The following GRXCR1 variants were observed in gnomAD, a reference collection of about 807,000 sequenced individuals.
The protein encoded by GRXCR1 is glutaredoxin and cysteine rich domain containing 1, also known as glutaredoxin domain-containing cysteine-rich protein 1.
GRXCR1 carries 27 observed loss-of-function variants against 27.3 expected under a neutral mutation model. That is an observed-to-expected ratio of 0.99 (90% CI 0.73 to 1.37). The LOEUF is 1.37. Ranked by LOEUF, GRXCR1 falls within the 40% of genes most tolerant of loss-of-function variation. The pLI is 0.00. For synonymous variants in GRXCR1, 122 were observed against 131.1 expected (o/e 0.93, Z 0.47); for missense variants, 379 against 354.4 (o/e 1.07, Z -0.56).
At chr4:42,912,231 T>G (rs965523861) in intron 1 of GRXCR1, among the ~76,000 whole-genome samples, 1 of 152,178 alleles carries the variant, frequency 6.6e-6, no homozygotes. Context: ...ATGTGTAAGA[T>G]GCATTGAAGG....
At chr4:43,024,682 C>T (rs1053318170) in intron 3 of GRXCR1, among the ~76,000 whole-genome samples, 4 of 152,072 alleles carry the variant, frequency 2.6e-5, no homozygotes, top group South Asian at 2.1e-4. Context: ...TTAAGGATGC[C>T]GGAAACACTG....
chr4:42,960,384 G>C (rs1230270029), intron 1 of GRXCR1, among the ~76,000 whole-genome samples: 1 of 151,962 alleles, frequency 6.6e-6, no homozygotes, highest in Non-Finnish European at 1.5e-5. Flanking sequence ...AGCATCTGCA[G>C]TGAGTTTCTG....
At chr4:42,989,455 A>G (rs1289863980) in intron 2 of GRXCR1, among the ~76,000 whole-genome samples, 3 of 152,186 alleles carry the variant, frequency 2.0e-5, no homozygotes, top group Non-Finnish European at 4.4e-5. Flanking sequence ...GCTTAAACAT[A>G]TGAACTTTAA....
At chr4:43,009,734 C>T (rs1712678086) in intron 2 of GRXCR1, among the ~76,000 whole-genome samples, 1 of 151,922 alleles carries the variant, frequency 6.6e-6, no homozygotes, top group Non-Finnish European at 1.5e-5. Context: ...CAGGGCTCTG[C>T]CTTCATAACC....
chr4:43,021,033 G>T (rs1168064566), intron 3 of GRXCR1, among the ~76,000 whole-genome samples: 1 of 152,160 alleles, frequency 6.6e-6, no homozygotes, highest in African/African-American at 2.4e-5. Context: ...TAAAAAGTAT[G>T]CGTTAGTAAT....
intron 2 of GRXCR1, among the ~76,000 whole-genome samples, chr4:42,994,828 A>T (rs1212955464): frequency 1.3e-5 from 2 of 152,156 alleles, no homozygotes; most frequent in Non-Finnish European, 2.9e-5. Flanking sequence ...GTTTATCCTT[A>T]CATGTTACTT....
chr4:43,030,440 T>C lies in GRXCR1; in HGVS notation c.773T>C (p.Met258Thr). 1 of 1,614,042 alleles carries C rather than the reference T, an allele frequency of 6.2e-7. No individual in the cohort carries two copies. The highest frequency in any genetic ancestry group is 8.5e-7 in the Non-Finnish European group (1 of 1,179,930). The change falls in exon 4 of 4, where the codon ATG (methionine) becomes ACG (threonine). Residue 258 changes from methionine (M) to threonine (T), a missense_variant. Coordinates refer to ENST00000399770, the MANE Select transcript of GRXCR1 (RefSeq NM_001080476.3). ...LPCSVCHGSK[M>T]SMFRNCFTDS... ...TGCTCCGTGTGCCATGGGAGCAAGA[T>C]GTCCATGTTTCGAAACTGCTTCACA... is the stretch of plus-strand genomic sequence containing the variant.
intron 1 of GRXCR1, among the ~76,000 whole-genome samples, chr4:42,921,037 G>C (rs1221257923): frequency 6.6e-6 from 1 of 152,102 alleles, no homozygotes; most frequent in Non-Finnish European, 1.5e-5. Context: ...GCAATGGTCT[G>C]AATGTGTCCC....
chr4:42,921,658 C>T (rs2109751142), intron 1 of GRXCR1, among the ~76,000 whole-genome samples: 1 of 152,158 alleles, frequency 6.6e-6, no homozygotes, highest in Non-Finnish European at 1.5e-5. Flanking sequence ...TTATTTCTTT[C>T]AGATTACCAT....
Position 42,897,344 on chromosome 4 carries a change from G to C in GRXCR1, c.384+3694G>C, listed in dbSNP as rs77996985. 8.1e-4 allele frequency among the ~76,000 whole-genome samples: 123 copies of C among 152,106 alleles called. No individual in the cohort carries two copies. The East Asian group carries it at 0.019, about 24-fold the overall frequency. The stretch of plus-strand genomic sequence containing the variant: ...TATCCTCAAACTGTGTGAATAAACT[G>C]TTAGAATATTGTACTGTCATTTCCA... On this transcript the variant is annotated intron_variant, in intron 1 of 3. Transcript: ENST00000399770.
Position 42,893,116 on chromosome 4 carries a change from G to A in GRXCR1, c.-151G>A, listed in dbSNP as rs960913161. On this transcript the variant is annotated 5_prime_UTR_variant, in exon 1 of 4. Transcript: ENST00000399770. ...TATTAATAGCAGAGACACACTGTAA[G>A]TCCTTGGGAATCTTCTTTCCTTTTG... 8 of 852,502 alleles carry A rather than the reference G, an allele frequency of 9.4e-6. No homozygotes were observed. The East Asian group carries it at 1.2e-4, about 13-fold the overall frequency. 52.8% of individuals were successfully genotyped at this position (852,502 alleles called of 1,614,324 possible).
At chr4:42,930,050 T>G (rs749908582) in intron 1 of GRXCR1, among the ~76,000 whole-genome samples, 4 of 151,988 alleles carry the variant, frequency 2.6e-5, no homozygotes, top group African/African-American at 9.7e-5. Context: ...CTCAGTAGAT[T>G]CTCTCTGTCC....
At chr4:42,971,012 C>T (rs538721656) in intron 2 of GRXCR1, among the ~76,000 whole-genome samples, 139 of 152,248 alleles carry the variant, frequency 9.1e-4, no homozygotes, top group African/African-American at 3.3e-3. Flanking sequence ...GAAATTTCTT[C>T]TGCCCGGATA....
intron 1 of GRXCR1, among the ~76,000 whole-genome samples, chr4:42,949,002 G>A (rs1468660409): frequency 1.3e-5 from 2 of 152,042 alleles, no homozygotes; most frequent in Non-Finnish European, 2.9e-5. Context: ...TACTAACTTT[G>A]TAGTAATTTA....
At chr4:42,933,380 A>C (rs1157010280) in intron 1 of GRXCR1, among the ~76,000 whole-genome samples, 1 of 151,894 alleles carries the variant, frequency 6.6e-6, no homozygotes, top group Non-Finnish European at 1.5e-5. Flanking sequence ...AACATCAAGG[A>C]GAGCTGCCTG....
Position 43,011,274 on chromosome 4 carries a change from A to T in GRXCR1, c.628-9080A>T, listed in dbSNP as rs80270229. 3.0e-3 allele frequency among the ~76,000 whole-genome samples: 459 copies of T among 152,246 alleles called. 12 individuals are homozygous for T. Among genetic ancestry groups the T allele is most frequent in the East Asian group, 0.022 (115 of 5,184 alleles). On this transcript the variant is annotated intron_variant, in intron 2 of 3. Coordinates refer to ENST00000399770, the MANE Select transcript of GRXCR1 (RefSeq NM_001080476.3). ...TTTTCCCTGGCCTACCTGGAGTCTC[A>T]TGAAGGAGAACTTTATAGACTGAAT... is the stretch of plus-strand genomic sequence containing the variant.
intron 2 of GRXCR1, among the ~76,000 whole-genome samples, chr4:42,987,556 C>T (rs182539879): frequency 3.3e-5 from 5 of 151,856 alleles, no homozygotes; most frequent in African/African-American, 1.2e-4. Context: ...GTGTTAGGAT[C>T]CACCACCTGG....
intron 1 of GRXCR1, among the ~76,000 whole-genome samples, chr4:42,896,800 T>A (rs1369762186): frequency 6.6e-6 from 1 of 152,112 alleles, no homozygotes; most frequent in East Asian, 1.9e-4. Context: ...AGAAAATGAA[T>A]GAGATATGCA....
chr4:42,929,689 A>G (rs1309905339), intron 1 of GRXCR1, among the ~76,000 whole-genome samples: 2 of 151,920 alleles, frequency 1.3e-5, no homozygotes, highest in Non-Finnish European at 2.9e-5. Context: ...GAGCCTCTCA[A>G]AATGGGTCTA....
Sources: allele counts gnomAD v4.1 joint callset (sites outside exome capture counted in the v4.1 genomes callset), GRCh38; gene constraint gnomAD v4.1.1; transcripts MANE v1.5; gene names NCBI Gene and HGNC (gene_info 2026-07-23, HGNC 2026-07-21).